TSPAN18: variants seen among roughly 807,000 people sequenced by gnomAD.
TSPAN18 encodes the protein tetraspanin-18.
Under a neutral mutation model 27.3 loss-of-function variants are expected in TSPAN18, and 14 were observed. The ratio of observed to expected loss-of-function variants is 0.51; its 90% confidence interval spans 0.34 to 0.80. The LOEUF is 0.80. Ranked by LOEUF, TSPAN18 falls within the 30% of genes least tolerant of loss-of-function variation. The pLI, the probability that TSPAN18 is intolerant of heterozygous loss-of-function variation, is 0.01. For missense variants in TSPAN18, 268 were observed against 323.9 expected (o/e 0.83, Z 1.32); for synonymous variants, 143 against 136.5 (o/e 1.05, Z -0.33).
intron 1 of TSPAN18, among the ~76,000 whole-genome samples, chr11:44,763,589 T>C (rs1387503402): frequency 6.6e-6 from 1 of 152,242 alleles, no homozygotes; most frequent in Non-Finnish European, 1.5e-5. Flanking sequence ...TGATTAATTC[T>C]TTTTCCTAGT....
intron 3 of TSPAN18, among the ~76,000 whole-genome samples, chr11:44,885,491 G>C (rs762722073): frequency 6.6e-6 from 1 of 152,016 alleles, no homozygotes; most frequent in East Asian, 1.9e-4. Context: ...GCTGGTGACC[G>C]GTCCTCTGTG....
chr11:44,846,145 A>T (rs1010351439), intron 2 of TSPAN18, among the ~76,000 whole-genome samples: 2 of 152,222 alleles, frequency 1.3e-5, no homozygotes, highest in African/African-American at 4.8e-5. Flanking sequence ...GGTGGGTCTC[A>T]TTATTCCCAT....
At chr11:44,914,271 A>G (rs972185563) in intron 5 of TSPAN18, among the ~76,000 whole-genome samples, 1 of 152,224 alleles carries the variant, frequency 6.6e-6, no homozygotes, top group African/African-American at 2.4e-5. Context: ...AGGAGGTGGT[A>G]GCAGAGGTTT....
chr11:44,729,856 T>C (rs982619312), intron 1 of TSPAN18, among the ~76,000 whole-genome samples: 7 of 152,110 alleles, frequency 4.6e-5, no homozygotes, highest in African/African-American at 1.7e-4. Flanking sequence ...CAAGGATGTG[T>C]GGGAGGGGGT....
intron 3 of TSPAN18, among the ~76,000 whole-genome samples, chr11:44,867,687 C>T (rs1050620496): frequency 6.6e-6 from 1 of 152,110 alleles, no homozygotes; most frequent in Non-Finnish European, 1.5e-5. Context: ...GTACGAGCCA[C>T]CACACCCGGC....
At chr11:44,791,234 C>T (rs1182620332) in intron 2 of TSPAN18, among the ~76,000 whole-genome samples, 1 of 152,170 alleles carries the variant, frequency 6.6e-6, no homozygotes. Context: ...GGAAAGTGCC[C>T]TGGACGTAGT....
intron 2 of TSPAN18, among the ~76,000 whole-genome samples, chr11:44,801,455 G>A (rs1396524270): frequency 6.6e-6 from 1 of 152,206 alleles, no homozygotes; most frequent in African/African-American, 2.4e-5. Flanking sequence ...TGCCAGCACA[G>A]AGCTGGGCAT....
intron 2 of TSPAN18, among the ~76,000 whole-genome samples, chr11:44,810,963 C>A (rs758737149): frequency 1.5e-4 from 23 of 152,198 alleles, no homozygotes; most frequent in Non-Finnish European, 2.6e-4. Context: ...AAAGAACAGG[C>A]AGAAGCATGT....
chr11:44,873,980 C>T (rs556297517), intron 3 of TSPAN18, among the ~76,000 whole-genome samples: 1 of 152,314 alleles, frequency 6.6e-6, no homozygotes, highest in South Asian at 2.1e-4. Flanking sequence ...AGCTGGGTGG[C>T]TTCACCTGTC....
At chr11:44,836,396 AG>A (rs1324762994) in intron 2 of TSPAN18, among the ~76,000 whole-genome samples, 1 of 152,178 alleles carries the variant, frequency 6.6e-6, no homozygotes, top group Non-Finnish European at 1.5e-5. Context: ...AGGCTGAGAG[AG>A]GTGAGGAAGC....
At chr11:44,784,672 T>A (rs1856013970) in intron 2 of TSPAN18, among the ~76,000 whole-genome samples, 1 of 152,180 alleles carries the variant, frequency 6.6e-6, no homozygotes, top group Non-Finnish European at 1.5e-5. Context: ...CTCTGCTGCG[T>A]CCCCAGCCCT....
chr11:44,840,340 A>G (rs751136003), intron 2 of TSPAN18, among the ~76,000 whole-genome samples: 1 of 152,174 alleles, frequency 6.6e-6, no homozygotes, highest in Non-Finnish European at 1.5e-5. Context: ...GAGAGTTGAT[A>G]TAATAACTAG....
rs1172418083 is a variant in TSPAN18 at position 44,800,932 on chromosome 11, G to T, written c.-153+36420G>T. Among the ~76,000 whole-genome samples the T allele has an allele frequency of 2.0e-5, 3 of 152,278 alleles. No homozygotes were observed. In the East Asian group the frequency reaches 5.8e-4, roughly 30 times the overall value. ...CAGGGGCCCGCCTGGGCTGCGAGGG[G>T]CTGGGGGCCTGACCCACAGCCCAGA... On this transcript the variant is annotated intron_variant, in intron 2 of 9. Coordinates refer to ENST00000520358, the MANE Select transcript of TSPAN18 (RefSeq NM_130783.5).
intron 2 of TSPAN18, among the ~76,000 whole-genome samples, chr11:44,822,889 G>C (rs1006575736): frequency 6.6e-6 from 1 of 152,126 alleles, no homozygotes; most frequent in African/African-American, 2.4e-5. Flanking sequence ...AGGGACTGAG[G>C]GTCTCACATG....
intron 2 of TSPAN18, among the ~76,000 whole-genome samples, chr11:44,768,892 ATTTTTTT>A (rs60616294): frequency 3.0e-5 from 3 of 101,232 alleles, no homozygotes; most frequent in Non-Finnish European, 4.0e-5. Context: ...ATACTATTTG[ATTTTTTT>A]TTTTTTTTTT....
chr11:44,861,162 T>C (rs957211324), intron 3 of TSPAN18, among the ~76,000 whole-genome samples: 9 of 152,036 alleles, frequency 5.9e-5, no homozygotes, highest in African/African-American at 2.2e-4. Flanking sequence ...CCACTCTCCA[T>C]GTGGCCGCAG....
chr11:44,844,219 C>T (rs551525074), intron 2 of TSPAN18, among the ~76,000 whole-genome samples: 4 of 152,270 alleles, frequency 2.6e-5, no homozygotes, highest in East Asian at 3.9e-4. Context: ...CCTGACTCCC[C>T]GCAACAGGAA....
intron 1 of TSPAN18, among the ~76,000 whole-genome samples, chr11:44,734,745 G>A (rs1343327188): frequency 6.6e-6 from 1 of 152,192 alleles, no homozygotes; most frequent in Non-Finnish European, 1.5e-5. Flanking sequence ...TCCCACAGTG[G>A]GTTCAGGGCT....
intron 1 of TSPAN18, among the ~76,000 whole-genome samples, chr11:44,742,895 C>T (rs1014593144): frequency 1.3e-5 from 2 of 152,362 alleles, no homozygotes; most frequent in African/African-American, 4.8e-5. Flanking sequence ...ATGGATGGAC[C>T]CACCAGGCCA....
Sources: gnomAD v4.1 joint callset for allele counts (sites outside exome capture counted in the v4.1 genomes callset) on GRCh38, gnomAD v4.1.1 for gene constraint, MANE v1.5 for transcripts, NCBI Gene and HGNC (gene_info 2026-07-23, HGNC 2026-07-21) for gene names.